The following EFCAB11 variants were observed in gnomAD, a reference collection of about 807,000 sequenced individuals.
The protein encoded by EFCAB11 is EF-hand calcium-binding domain-containing protein 11.
Under a neutral mutation model 23.0 loss-of-function variants are expected in EFCAB11, and 14 were observed. The ratio of observed to expected loss-of-function variants is 0.61; its 90% CI spans 0.40 to 0.95. The LOEUF is 0.95. Among genes scored for constraint, EFCAB11 ranks in the 40% least tolerant of loss-of-function variants. The pLI is 0.00. For missense variants in EFCAB11, 198 were observed against 195.8 expected (o/e 1.01, Z -0.07); for synonymous variants, 65 against 66.6 (o/e 0.98, Z 0.11).
At chr14:89,828,370 A>G (rs1886772494) in intron 5 of EFCAB11, among the ~76,000 whole-genome samples, 1 of 152,142 alleles carries the variant, frequency 6.6e-6, no homozygotes, top group Admixed American at 6.6e-5. Flanking sequence ...TTTCACCCTC[A>G]ATTTATGGAG....
intron 3 of EFCAB11, among the ~76,000 whole-genome samples, chr14:89,946,554 A>C (rs1033015366): frequency 1.3e-5 from 2 of 151,554 alleles, no homozygotes; most frequent in African/African-American, 4.9e-5. Context: ...TTTTGTTCCC[A>C]TTTTCTTCCT....
chr14:89,882,932 G>C (rs371893240), intron 5 of EFCAB11, among the ~76,000 whole-genome samples: 1 of 152,158 alleles, frequency 6.6e-6, no homozygotes, highest in Non-Finnish European at 1.5e-5. Flanking sequence ...TTGAGGGTGA[G>C]TGAGTTCTTA....
At position 89,954,048 on chromosome 14, in the gene EFCAB11, T is replaced by C. The variant is rs771968535; in HGVS notation, c.76-47A>G. On this transcript the variant is annotated intron_variant, in intron 1 of 5. Coordinates refer to ENST00000316738, the MANE Select transcript of EFCAB11 (RefSeq NM_145231.4). ...TAGTTAATGAGACAGAAATGGTTTA[T>C]TTTTATTACTAGTTTATTATACAGT... The C allele has an allele frequency of 2.2e-5, 33 of 1,506,170 alleles. No individual in the cohort carries two copies. In the Admixed American group the frequency reaches 5.5e-4, roughly 25 times the overall value. The allele number at this position is 1,506,170 out of a possible 1,614,324, so 93.3% of individuals were successfully genotyped here. A position where few individuals can be genotyped will look rare whatever the true frequency, so the allele number is the denominator to read the frequency against.
intron 5 of EFCAB11, among the ~76,000 whole-genome samples, chr14:89,914,209 T>C (rs1889765662): frequency 6.6e-6 from 1 of 152,232 alleles, no homozygotes; most frequent in African/African-American, 2.4e-5. Flanking sequence ...TGTGGAACTT[T>C]ACAACCTGGA....
intron 5 of EFCAB11, among the ~76,000 whole-genome samples, chr14:89,903,049 T>C (rs1453187006): frequency 1.3e-5 from 2 of 152,228 alleles, no homozygotes; most frequent in East Asian, 1.9e-4. Context: ...GGTCAGTCAT[T>C]AGGAGGAAAC....
At chr14:89,888,302 T>C (rs534903529) in intron 5 of EFCAB11, among the ~76,000 whole-genome samples, 3 of 152,340 alleles carry the variant, frequency 2.0e-5, no homozygotes, top group East Asian at 1.9e-4. Context: ...ATGAAGACTG[T>C]AGTAGGCTGT....
intron 3 of EFCAB11, among the ~76,000 whole-genome samples, chr14:89,941,172 A>T (rs1890778647): frequency 6.6e-6 from 1 of 152,224 alleles, no homozygotes; most frequent in South Asian, 2.1e-4. Flanking sequence ...ATGCCTCTCT[A>T]GAAAAATTGT....
At chr14:89,841,033 CGT>C (rs1447331123) in intron 5 of EFCAB11, among the ~76,000 whole-genome samples, 1 of 152,156 alleles carries the variant, frequency 6.6e-6, no homozygotes, top group Non-Finnish European at 1.5e-5. Context: ...TCCAGTCTCC[CGT>C]GTCTTCTTCC....
intron 5 of EFCAB11, among the ~76,000 whole-genome samples, chr14:89,835,042 A>C (rs1241291098): frequency 2.6e-5 from 4 of 152,248 alleles, no homozygotes; most frequent in African/African-American, 9.6e-5. Flanking sequence ...GGGAAGCAGA[A>C]AGTAAAAGAC....
intron 5 of EFCAB11, among the ~76,000 whole-genome samples, chr14:89,907,791 G>C (rs747270116): frequency 3.3e-5 from 5 of 152,152 alleles, no homozygotes. Flanking sequence ...TTCCAATGTG[G>C]AGTCAGACTG....
chr14:89,815,208 C>T (rs532494256), intron 5 of EFCAB11, among the ~76,000 whole-genome samples: 1 of 152,254 alleles, frequency 6.6e-6, no homozygotes, highest in African/African-American at 2.4e-5. Context: ...CCCAAGAGAA[C>T]GTCCCCACAA....
At chr14:89,929,582 C>T (rs772411292) in intron 5 of EFCAB11, among the ~76,000 whole-genome samples, 4 of 152,036 alleles carry the variant, frequency 2.6e-5, no homozygotes, top group Admixed American at 6.6e-5. Context: ...CATGGGGTTT[C>T]GCCATGTTGG....
chr14:89,885,781 GAGAA>G lies in EFCAB11; in HGVS notation c.410+45756_410+45759del, dbSNP rs200424406. On this transcript the variant is annotated intron_variant, in intron 5 of 5. Transcript: ENST00000316738. ...AAGGAAAGAAAGAAAGAAAGAAAGA[GAGAA>G]AGAAAGAAAGAAGACAGCAACTAAA... Among the ~76,000 whole-genome samples, 12 of 133,304 alleles carry G rather than the reference GAGAA, an allele frequency of 9.0e-5. No homozygotes were observed. In the East Asian group the frequency reaches 1.1e-3, roughly 12 times the overall value. 87.5% of individuals were successfully genotyped at this position (133,304 alleles called of 152,430 possible).
At chr14:89,808,772 A>C (rs1280925369) in intron 5 of EFCAB11, among the ~76,000 whole-genome samples, 2 of 152,238 alleles carry the variant, frequency 1.3e-5, no homozygotes, top group African/African-American at 2.4e-5. Flanking sequence ...AAAAAGTCAC[A>C]CCAAATGGAA....
chr14:89,924,803 C>T (rs1767471128), intron 5 of EFCAB11: 1 of 1,070,486 alleles, frequency 9.3e-7, no homozygotes, highest in African/African-American at 1.6e-5. Flanking sequence ...GGACTCTTTC[C>T]TAGTTTATGA....
At chr14:89,844,186 C>T (rs867689736) in intron 5 of EFCAB11, among the ~76,000 whole-genome samples, 3 of 152,180 alleles carry the variant, frequency 2.0e-5, no homozygotes, top group African/African-American at 7.2e-5. Context: ...AACAGAAATG[C>T]TGTATGGATA....
chr14:89,835,111 G>C (rs1304866345), intron 5 of EFCAB11, among the ~76,000 whole-genome samples: 1 of 152,282 alleles, frequency 6.6e-6, no homozygotes, highest in African/African-American at 2.4e-5. Context: ...CATTTGCTGA[G>C]AGTGACAGGG....
At chr14:89,926,362 A>G (rs1211396493) in intron 5 of EFCAB11, among the ~76,000 whole-genome samples, 2 of 152,226 alleles carry the variant, frequency 1.3e-5, no homozygotes, top group Non-Finnish European at 2.9e-5. Flanking sequence ...TAAAAATAAA[A>G]TCTGAAAAAT....
chr14:89,843,929 C>G (rs1887349064), intron 5 of EFCAB11, among the ~76,000 whole-genome samples: 1 of 152,232 alleles, frequency 6.6e-6, no homozygotes. Context: ...CTAAATTTCA[C>G]TTGAAAGCTT....
Sources: gnomAD v4.1 joint callset for allele counts (sites outside exome capture counted in the v4.1 genomes callset) on GRCh38, gnomAD v4.1.1 for gene constraint, MANE v1.5 for transcripts, NCBI Gene and HGNC (gene_info 2026-07-23, HGNC 2026-07-21) for gene names.